The following ADARB2 variants were observed in gnomAD, a reference collection of about 807,000 sequenced individuals.
The protein encoded by ADARB2 is adenosine deaminase RNA specific B2 (inactive).
In ADARB2, 25 loss-of-function variants were observed where a neutral mutation model predicts 62.2. That is an observed-to-expected ratio of 0.40 (90% CI 0.29 to 0.56). The LOEUF is 0.56. Ranked by LOEUF, ADARB2 falls within the 20% of genes least tolerant of loss-of-function variation. The pLI is 0.43. For missense variants in ADARB2, 1,071 were observed against 1,077.4 expected, an observed-to-expected ratio of 0.99 and a Z score of 0.08; for synonymous variants, 572 against 500.8, an observed-to-expected ratio of 1.14 and a Z score of -1.90.
At chr10:1,233,127 C>G (rs536406440) in intron 6 of ADARB2, among the ~76,000 whole-genome samples, 1 of 152,114 alleles carries the variant, frequency 6.6e-6, no homozygotes, top group Non-Finnish European at 1.5e-5. Flanking sequence ...CCCTGGCAAT[C>G]GCAGCATCAC....
rs1361693265 is a variant in ADARB2 at position 1,307,143 on chromosome 10, G to A, written c.1078-36074C>T. On this transcript the variant is annotated intron_variant, in intron 3 of 9. Coordinates refer to ENST00000381312, the MANE Select transcript of ADARB2 (RefSeq NM_018702.4). ...AAGAAACTACCATCAGAGTGAACAG[G>A]CAACCTACAAAATGGGAGAAAATTT... Among the ~76,000 whole-genome samples, 47 of 106,548 alleles carry A rather than the reference G, an allele frequency of 4.4e-4. 2 individuals are homozygous for A. The highest frequency in any genetic ancestry group is 1.2e-3 in the African/African-American group (42 of 35,228). The allele number at this position is 106,548 out of a possible 152,430, so 69.9% of individuals were successfully genotyped here.
intron 1 of ADARB2, among the ~76,000 whole-genome samples, chr10:1,594,191 G>C (rs1833302841): frequency 6.6e-6 from 1 of 152,180 alleles, no homozygotes; most frequent in African/African-American, 2.4e-5. Flanking sequence ...TCGGGAGGCT[G>C]AGGCAGGAGA....
intron 1 of ADARB2, among the ~76,000 whole-genome samples, chr10:1,608,124 G>A (rs1475874994): frequency 6.6e-6 from 1 of 152,224 alleles, no homozygotes; most frequent in Non-Finnish European, 1.5e-5. Flanking sequence ...CATGAAACAA[G>A]ATCCATGCAA....
Position 1,313,799 on chromosome 10 carries a change from A to T in ADARB2, c.1078-42730T>A, listed in dbSNP as rs529734965. On this transcript the variant is annotated intron_variant, in intron 3 of 9. Coordinates refer to ENST00000381312, the MANE Select transcript of ADARB2 (RefSeq NM_018702.4). ...CATTGTGCAGAGGTTTCACAGAAAC[A>T]TGCTTGCATCAACCTTCCTTCTGAG... Among the ~76,000 whole-genome samples the T allele has an allele frequency of 5.3e-5, 8 of 152,358 alleles. No individual in the cohort carries two copies. The East Asian group carries it at 1.4e-3, about 26-fold the overall frequency.
intron 1 of ADARB2, among the ~76,000 whole-genome samples, chr10:1,612,169 G>A (rs1833580956): frequency 6.6e-6 from 1 of 152,228 alleles, no homozygotes; most frequent in South Asian, 2.1e-4. Flanking sequence ...CAGCCATTAA[G>A]AGAAATTCAG....
At chr10:1,256,729 C>G (rs1192637689) in intron 4 of ADARB2, among the ~76,000 whole-genome samples, 2 of 151,982 alleles carry the variant, frequency 1.3e-5, no homozygotes, top group Non-Finnish European at 2.9e-5. Context: ...TATTTAATGC[C>G]CTGTTCCTAC....
chr10:1,411,647 C>T (rs1588248760), intron 1 of ADARB2, among the ~76,000 whole-genome samples: 1 of 152,260 alleles, frequency 6.6e-6, no homozygotes, highest in East Asian at 1.9e-4. Context: ...TGAGTGGACA[C>T]GTTGCAGCAA....
At chr10:1,617,338 C>T (rs1440285875) in intron 1 of ADARB2, among the ~76,000 whole-genome samples, 1 of 94,290 alleles carries the variant, frequency 1.1e-5, no homozygotes, top group East Asian at 4.0e-4. Context: ...GCTCTGCATC[C>T]TGGGAACCGG....
At chr10:1,481,980 A>T (rs936322563) in intron 1 of ADARB2, among the ~76,000 whole-genome samples, 3 of 152,246 alleles carry the variant, frequency 2.0e-5, no homozygotes, top group Non-Finnish European at 4.4e-5. Flanking sequence ...ATGGCCACTA[A>T]ACATATGAAA....
At chr10:1,298,076 G>C (rs756129052) in intron 3 of ADARB2, among the ~76,000 whole-genome samples, 1 of 152,086 alleles carries the variant, frequency 6.6e-6, no homozygotes, top group Non-Finnish European at 1.5e-5. Context: ...TCCTATTTGA[G>C]ATAGCAAAAA....
intron 3 of ADARB2, among the ~76,000 whole-genome samples, chr10:1,301,568 C>CTT (rs1564251326): frequency 6.6e-6 from 1 of 152,168 alleles, no homozygotes; most frequent in Non-Finnish European, 1.5e-5. Context: ...TTCTCTCTCT[C>CTT]TCTCTGTCCC....
At chr10:1,559,009 T>C (rs1468569736) in intron 1 of ADARB2, among the ~76,000 whole-genome samples, 1 of 152,230 alleles carries the variant, frequency 6.6e-6, no homozygotes, top group Non-Finnish European at 1.5e-5. Context: ...GGCACTGCTT[T>C]TGAGGCTTGG....
chr10:1,326,852 C>CTGGTAG lies in ADARB2; in HGVS notation c.1077+36175_1077+36176insCTACCA, dbSNP rs1564257886. The stretch of plus-strand genomic sequence containing the variant: ...AGCGCCTCCCCACGGCCCAGCGCCT[C>CTGGTAG]CCCACTGCCCAGCGCCTCCCCACGG... On this transcript the variant is annotated intron_variant, in intron 3 of 9. Coordinates refer to ENST00000381312, the MANE Select transcript of ADARB2 (RefSeq NM_018702.4). 1.2e-3 allele frequency among the ~76,000 whole-genome samples: 72 copies of CTGGTAG among 59,868 alleles called. 1 individual carries two copies. Among genetic ancestry groups the CTGGTAG allele is most frequent in the Non-Finnish European group, 2.1e-3 (53 of 25,060 alleles). 39.3% of individuals were successfully genotyped at this position (59,868 alleles called of 152,430 possible). A position where few individuals can be genotyped will look rare whatever the true frequency, so the allele number is the denominator to read the frequency against.
chr10:1,657,083 C>T (rs1168708752), intron 1 of ADARB2, among the ~76,000 whole-genome samples: 1 of 151,544 alleles, frequency 6.6e-6, no homozygotes, highest in South Asian at 2.1e-4. Flanking sequence ...CTCAGTGATG[C>T]CAAATTCTAT....
chr10:1,659,052 TCTC>T (rs1417656209), intron 1 of ADARB2, among the ~76,000 whole-genome samples: 1 of 152,150 alleles, frequency 6.6e-6, no homozygotes, highest in Non-Finnish European at 1.5e-5. Flanking sequence ...GCTTTGCAAA[TCTC>T]CTGTTAATTG....
intron 1 of ADARB2, among the ~76,000 whole-genome samples, chr10:1,714,123 C>A (rs1410686348): frequency 6.6e-6 from 1 of 152,178 alleles, no homozygotes; most frequent in African/African-American, 2.4e-5. Context: ...AAACAAAAAC[C>A]AATGGACATT....
At chr10:1,585,861 C>T (rs571212351) in intron 1 of ADARB2, among the ~76,000 whole-genome samples, 6 of 152,174 alleles carry the variant, frequency 3.9e-5, no homozygotes, top group South Asian at 2.1e-4. Flanking sequence ...GGTGAAACCC[C>T]GTCTCTACTA....
chr10:1,377,917 G>A (rs138517395), intron 2 of ADARB2, among the ~76,000 whole-genome samples: 9 of 152,190 alleles, frequency 5.9e-5, no homozygotes, highest in Non-Finnish European at 1.0e-4. Context: ...TGTTTCCCAC[G>A]CTGATGGCAA....
intron 1 of ADARB2, among the ~76,000 whole-genome samples, chr10:1,555,876 A>C (rs1832693482): frequency 6.6e-6 from 1 of 151,798 alleles, no homozygotes; most frequent in Non-Finnish European, 1.5e-5. Flanking sequence ...TGGAGGTTGC[A>C]GTGAGCCGAG....
Sources: allele counts gnomAD v4.1 joint callset (sites outside exome capture counted in the v4.1 genomes callset), GRCh38; gene constraint gnomAD v4.1.1; transcripts MANE v1.5; gene names NCBI Gene and HGNC (gene_info 2026-07-23, HGNC 2026-07-21).